Variants in FAM171A1 observed in about 807,000 individuals in gnomAD.
FAM171A1 encodes family with sequence similarity 171 member A1.
Under a neutral mutation model 74.9 loss-of-function variants are expected in FAM171A1, and 23 were observed. The observed-to-expected ratio is 0.31, with a 90% CI of 0.22 to 0.44. The LOEUF (loss-of-function observed/expected upper bound fraction) is 0.44. Among genes scored for constraint, FAM171A1 ranks in the 20% least tolerant of loss-of-function variants. The probability of loss-of-function intolerance (pLI) is 1.00; values close to 1 mark genes in which losing one functional copy is unlikely to be tolerated. For missense variants in FAM171A1, 1,162 were observed against 1,159.2 expected (o/e 1.00, Z -0.03); for synonymous variants, 527 against 505.7 (o/e 1.04, Z -0.57).
At chr10:15,229,831 T>C (rs113405436) in intron 5 of FAM171A1, among the ~76,000 whole-genome samples, 1,090 of 4,734 alleles carry the variant, frequency 0.23, 12 homozygotes, top group Non-Finnish European at 0.32. Context: ...ACCATCATCA[T>C]CATCACCACC....
chr10:15,326,273 G>A (rs188256010), intron 1 of FAM171A1, among the ~76,000 whole-genome samples: 31 of 152,078 alleles, frequency 2.0e-4, no homozygotes, highest in African/African-American at 5.3e-4. Context: ...AGTCTCAAAC[G>A]GCTGCCTTTG....
chr10:15,343,866 A>G (rs1478003671), intron 1 of FAM171A1, among the ~76,000 whole-genome samples: 2 of 152,214 alleles, frequency 1.3e-5, no homozygotes, highest in Non-Finnish European at 2.9e-5. Flanking sequence ...TTGGGCCCCA[A>G]AAGGAATGTT....
intron 1 of FAM171A1, among the ~76,000 whole-genome samples, chr10:15,331,369 C>T (rs1453761168): frequency 6.6e-6 from 1 of 152,060 alleles, no homozygotes; most frequent in Admixed American, 6.6e-5. Context: ...TGGAAGACCC[C>T]GGTCTTCTAA....
At chr10:15,215,608 C>T (rs953622327) in intron 7 of FAM171A1, among the ~76,000 whole-genome samples, 12 of 152,118 alleles carry the variant, frequency 7.9e-5, no homozygotes, top group Non-Finnish European at 1.6e-4. Context: ...TCAAGTGATC[C>T]GCCCACCTCG....
chr10:15,371,307 C>CCCG (rs1254590105), upstream of FAM171A1, among the ~76,000 whole-genome samples: 47 of 144,212 alleles, frequency 3.3e-4, no homozygotes, highest in East Asian at 5.6e-3. Flanking sequence ...TCCTGCCTCG[C>CCCG]CCGCCGCCGC....
intron 2 of FAM171A1, among the ~76,000 whole-genome samples, chr10:15,280,437 C>T (rs1238270720): frequency 6.6e-6 from 1 of 152,194 alleles, no homozygotes; most frequent in Admixed American, 6.6e-5. Context: ...AGGGTGATCG[C>T]TGCAGAGACA....
At chr10:15,297,579 T>C (rs950796195) in intron 1 of FAM171A1, among the ~76,000 whole-genome samples, 2 of 152,190 alleles carry the variant, frequency 1.3e-5, no homozygotes, top group Non-Finnish European at 2.9e-5. Context: ...AACAGCACCA[T>C]GTTGCCAAGA....
chr10:15,216,762 G>C (rs555565500), intron 6 of FAM171A1, among the ~76,000 whole-genome samples: 1 of 150,712 alleles, frequency 6.6e-6, no homozygotes, highest in African/African-American at 2.4e-5. Context: ...GAAAATGAAC[G>C]CATGACGATA....
In FAM171A1 at chr10:15,214,234, T is replaced by A. The variant is rs148829329; in HGVS notation, c.1354A>T (p.Thr452Ser). The A allele has an allele frequency of 2.2e-5, 36 of 1,614,138 alleles. No individual in the cohort carries two copies. The African/African-American group carries it at 4.3e-4, about 19-fold the overall frequency. ...GACTTATGGTAGTCTTTCCCCAGCG[T>A]CCCACTTGGAGTGAGGTTATCAAAG... ...ISFDNLTPSG[T>S]LGKDYHKSVE... Residue 452 changes from threonine to serine, a missense_variant, in exon 8 of 8, where the codon ACG becomes TCG. Coordinates refer to ENST00000378116, the MANE Select transcript of FAM171A1 (RefSeq NM_001010924.2).
intron 1 of FAM171A1, among the ~76,000 whole-genome samples, chr10:15,294,207 T>A (rs1835134632): frequency 6.6e-6 from 1 of 152,202 alleles, no homozygotes; most frequent in Non-Finnish European, 1.5e-5. Context: ...TTAAACCAGC[T>A]AGATGGGCAG....
chr10:15,353,036 A>C (rs906043004), intron 1 of FAM171A1, among the ~76,000 whole-genome samples: 1 of 152,234 alleles, frequency 6.6e-6, no homozygotes, highest in Admixed American at 6.5e-5. Flanking sequence ...GCTCCGGCAG[A>C]TGGGCTACAA....
In FAM171A1 at chr10:15,254,816, C is replaced by A. The variant is rs370025232; in HGVS notation, c.482G>T (p.Ser161Ile). ...GAGAAACGCGGTCAGGTCACTGTAG[C>A]TGGTGTTCTCAGGCAACCTCAGAGC... ...RRALRLPENT[S>I]YSDLTAFLTA... The change falls in exon 4 of 8, where the codon AGC becomes ATC. Residue 161 changes from serine to isoleucine, a missense_variant. Transcript: ENST00000378116. 1.9e-6 allele frequency: 3 copies of A among 1,614,068 alleles called. No homozygotes were observed. The highest frequency in any genetic ancestry group is 2.5e-6 in the Non-Finnish European group (3 of 1,180,024).
At chr10:15,226,760 T>C (rs556849236) in intron 5 of FAM171A1, among the ~76,000 whole-genome samples, 2 of 152,288 alleles carry the variant, frequency 1.3e-5, no homozygotes, top group South Asian at 4.2e-4. Context: ...GGATTATAAG[T>C]TGTTTGCTCT....
rs1038056677 is a variant in FAM171A1 at position 15,213,164 on chromosome 10, G to A, written c.2424C>T (p.Pro808=). The change falls in exon 8 of 8, where the codon CCC becomes CCT. Residue 808 remains proline (P), a synonymous_variant. Coordinates refer to ENST00000378116, the MANE Select transcript of FAM171A1 (RefSeq NM_001010924.2). The surrounding 1 kb of genome is among the most constrained non-coding windows in gnomAD (Gnocchi z 6.8). ...ACAAGCATCGCAGGGCACTGTCCTC[G>A]GGGGTACAGACCGTGGTCCCACATT... ...GSECGTTVCT[P]EDSALRCLLE... 2.5e-6 allele frequency: 4 copies of A among 1,614,116 alleles called. No homozygotes were observed. In the South Asian group the frequency reaches 4.4e-5, roughly 18 times the overall value.
At chr10:15,232,321 C>T (rs1221020931) in intron 5 of FAM171A1, among the ~76,000 whole-genome samples, 1 of 152,132 alleles carries the variant, frequency 6.6e-6, no homozygotes, top group East Asian at 1.9e-4. Flanking sequence ...CAGCTAATGA[C>T]TCTCTCCACC....
At chr10:15,351,584 G>GATGGATGGATGGATGC in intron 1 of FAM171A1, among the ~76,000 whole-genome samples, 1 of 151,020 alleles carries the variant, frequency 6.6e-6, no homozygotes, top group African/African-American at 2.4e-5. Context: ...TGGATGGATG[G>GATGGATGGATGGATGC]ATGGATGGAT....
chr10:15,365,765 G>GT (rs1006945647), intron 1 of FAM171A1, among the ~76,000 whole-genome samples: 5 of 28,478 alleles, frequency 1.8e-4, no homozygotes, highest in African/African-American at 5.4e-4. Context: ...GTGAGACTCT[G>GT]TTAAAAAAAA....
intron 1 of FAM171A1, among the ~76,000 whole-genome samples, chr10:15,347,619 CAA>C (rs1835831534): frequency 6.6e-6 from 1 of 151,932 alleles, no homozygotes; most frequent in Admixed American, 6.6e-5. Context: ...GAGTGGATGA[CAA>C]AGTCAAGAGA....
upstream of FAM171A1, among the ~76,000 whole-genome samples, chr10:15,373,695 C>T (rs1836174615): frequency 6.6e-6 from 1 of 151,980 alleles, no homozygotes. Flanking sequence ...ATTTTTGTAA[C>T]TTTTTATGAG....
Sources: allele counts gnomAD v4.1 joint callset (sites outside exome capture counted in the v4.1 genomes callset), GRCh38; gene constraint gnomAD v4.1.1; non-coding constraint Gnocchi (gnomAD v3.1); transcripts MANE v1.5; gene names NCBI Gene and HGNC (gene_info 2026-07-23, HGNC 2026-07-21).